The following GALNT13 variants were observed in gnomAD, a reference collection of about 807,000 sequenced individuals.
The protein encoded by GALNT13 is UDP-GalNAc:polypeptide N-acetylgalactosaminyltransferase 13.
A neutral mutation model predicts 64.2 loss-of-function variants in GALNT13; 28 were observed. The ratio of observed to expected loss-of-function variants is 0.44; its 90% CI spans 0.32 to 0.60. The LOEUF (loss-of-function observed/expected upper bound fraction) is 0.60, where lower values mean the gene tolerates loss of function less well. Ranked by LOEUF, GALNT13 falls within the 20% of genes least tolerant of loss-of-function variation. The pLI, the probability that GALNT13 is intolerant of heterozygous loss-of-function variation, is 0.05. For synonymous variants in GALNT13, 214 were observed against 224.6 expected (o/e 0.95, Z 0.42); for missense variants, 577 against 669.8 (o/e 0.86, Z 1.53).
At chr2:154,349,542 G>T (rs1021091203) in intron 9 of GALNT13, among the ~76,000 whole-genome samples, 1 of 152,154 alleles carries the variant, frequency 6.6e-6, no homozygotes, top group Non-Finnish European at 1.5e-5. Flanking sequence ...TTGCTGTTAG[G>T]TCAAACATTA....
At position 153,963,188 on chromosome 2, in the gene GALNT13, T is replaced by C. The variant is rs561906033; in HGVS notation, c.142+18549T>C. ...GTGCCACTATAAATCCTATTAGTAG[T>C]GGCATTAATTCTATTAATTAGGACA... On this transcript the variant is annotated intron_variant, in intron 3 of 12. Coordinates refer to ENST00000392825, the MANE Select transcript of GALNT13 (RefSeq NM_052917.4). Among the ~76,000 whole-genome samples, 4 of 152,314 alleles carry C rather than the reference T, an allele frequency of 2.6e-5. No homozygotes were observed. In the East Asian group the frequency reaches 7.7e-4, roughly 29 times the overall value.
chr2:153,989,358 A>G (rs1695014619), intron 3 of GALNT13, among the ~76,000 whole-genome samples: 2 of 151,864 alleles, frequency 1.3e-5, no homozygotes, highest in Admixed American at 1.3e-4. Flanking sequence ...AAAAATTAAG[A>G]GAGAGTGGAA....
At chr2:153,541,429 T>C in the GALNT13 span, among the ~76,000 whole-genome samples, 2 of 152,170 alleles carry the variant, frequency 1.3e-5, no homozygotes, top group African/African-American at 4.8e-5. Context: ...ACTGACTTTC[T>C]CTTGCCCTCC....
intron 3 of GALNT13, among the ~76,000 whole-genome samples, chr2:154,031,102 AAAAAT>A (rs1359890100): frequency 5.3e-5 from 8 of 152,318 alleles, no homozygotes; most frequent in Middle Eastern, 3.4e-3. Flanking sequence ...TCTTACATGT[AAAAAT>A]AAAATATGTG....
At chr2:153,812,659 C>G in the GALNT13 span, among the ~76,000 whole-genome samples, 1 of 152,168 alleles carries the variant, frequency 6.6e-6, no homozygotes, top group African/African-American at 2.4e-5. Context: ...TATATTTCTT[C>G]CAAATTCTAA....
At chr2:153,625,845 A>G in the GALNT13 span, among the ~76,000 whole-genome samples, 2 of 152,142 alleles carry the variant, frequency 1.3e-5, no homozygotes, top group East Asian at 1.9e-4. Flanking sequence ...GGTCAGACCC[A>G]TATCAGCCAT....
chr2:153,845,058 C>A, the GALNT13 span, among the ~76,000 whole-genome samples: 1 of 152,116 alleles, frequency 6.6e-6, no homozygotes, highest in Admixed American at 6.5e-5. Flanking sequence ...CCTCATCTTC[C>A]CATCTTCTTT....
chr2:154,139,160 A>G (rs556131517), intron 3 of GALNT13, among the ~76,000 whole-genome samples: 2 of 151,918 alleles, frequency 1.3e-5, no homozygotes, highest in South Asian at 2.1e-4. Context: ...CATCAACTGG[A>G]TGGTCAACTG....
At chr2:153,487,552 G>T in the GALNT13 span, among the ~76,000 whole-genome samples, 1 of 152,204 alleles carries the variant, frequency 6.6e-6, no homozygotes. Context: ...AGAAATTAGG[G>T]AAGCAGATCA....
At chr2:153,721,736 C>G in the GALNT13 span, among the ~76,000 whole-genome samples, 1 of 151,932 alleles carries the variant, frequency 6.6e-6, no homozygotes, top group African/African-American at 2.4e-5. Context: ...GTAAAGGGAT[C>G]AATTCAACAA....
chr2:154,020,796 A>G (rs1235626901), intron 3 of GALNT13, among the ~76,000 whole-genome samples: 1 of 151,842 alleles, frequency 6.6e-6, no homozygotes, highest in Non-Finnish European at 1.5e-5. Flanking sequence ...CCTGAATGGT[A>G]TTGCCTAGGT....
chr2:153,718,912 G>T, the GALNT13 span, among the ~76,000 whole-genome samples: 1 of 152,116 alleles, frequency 6.6e-6, no homozygotes, highest in Non-Finnish European at 1.5e-5. Context: ...TACACTACAT[G>T]TCTAATTAAA....
chr2:154,296,776 T>G (rs1047706990), intron 8 of GALNT13, among the ~76,000 whole-genome samples: 1 of 152,184 alleles, frequency 6.6e-6, no homozygotes, highest in Admixed American at 6.5e-5. Context: ...AAGATTCTTT[T>G]TTTTTGTTAT....
At chr2:153,382,174 A>G in the GALNT13 span, among the ~76,000 whole-genome samples, 20 of 152,074 alleles carry the variant, frequency 1.3e-4, no homozygotes, top group Admixed American at 3.9e-4. Flanking sequence ...GAGCTTCTTT[A>G]TGTTATCTAT....
chr2:153,814,557 A>C, the GALNT13 span, among the ~76,000 whole-genome samples: 1 of 152,094 alleles, frequency 6.6e-6, no homozygotes, highest in African/African-American at 2.4e-5. Context: ...ACAGAAATAG[A>C]CTCCACTTTT....
At chr2:154,068,642 T>C (rs1331913454) in intron 3 of GALNT13, among the ~76,000 whole-genome samples, 1 of 152,008 alleles carries the variant, frequency 6.6e-6, no homozygotes, top group Admixed American at 6.6e-5. Flanking sequence ...AAGCTTCCCA[T>C]ATTCTCACTT....
intron 1 of GALNT13, among the ~76,000 whole-genome samples, chr2:153,899,930 TATA>T (rs1246322097): frequency 1.3e-3 from 118 of 88,272 alleles, no homozygotes; most frequent in African/African-American, 4.0e-3. Context: ...TATATATATA[TATA>T]TATTTTTTTT....
chr2:153,248,235 C>G, the GALNT13 span, among the ~76,000 whole-genome samples: 2 of 151,978 alleles, frequency 1.3e-5, no homozygotes, highest in East Asian at 3.9e-4. Flanking sequence ...ATCTTGATAC[C>G]AAAACATGGT....
intron 3 of GALNT13, among the ~76,000 whole-genome samples, chr2:154,010,820 A>G (rs1696582882): frequency 6.6e-6 from 1 of 151,868 alleles, no homozygotes; most frequent in Admixed American, 6.6e-5. Flanking sequence ...TCTTGAGAAT[A>G]TATTTTTCAA....
Sources: gnomAD v4.1 joint callset for allele counts (sites outside exome capture counted in the v4.1 genomes callset) on GRCh38, gnomAD v4.1.1 for gene constraint, MANE v1.5 for transcripts, NCBI Gene and HGNC (gene_info 2026-07-23, HGNC 2026-07-21) for gene names.